The following EYS variants were observed in gnomAD, a reference collection of about 807,000 sequenced individuals.
EYS encodes the protein protein eyes shut homolog.
In EYS, 250 loss-of-function variants were observed where a neutral mutation model predicts 282.1. The observed-to-expected ratio is 0.89, with a 90% CI of 0.80 to 0.98. EYS has a LOEUF of 0.98. Ranked by LOEUF, EYS falls within the 50% of genes least tolerant of loss-of-function variation. EYS has a pLI of 0.00. For synonymous variants in EYS, 1,355 were observed against 1,282.9 expected (o/e 1.06, Z -1.20); for missense variants, 4,016 against 3,709.0 (o/e 1.08, Z -2.15).
intron 2 of EYS, among the ~76,000 whole-genome samples, chr6:65,595,309 G>A (rs1028886070): frequency 1.3e-5 from 2 of 151,938 alleles, no homozygotes; most frequent in Non-Finnish European, 2.9e-5. Flanking sequence ...TCACACACTG[G>A]GTCCTGTTGT....
intron 34 of EYS, among the ~76,000 whole-genome samples, chr6:63,985,071 A>G (rs374053019): frequency 7.9e-5 from 12 of 151,842 alleles, no homozygotes; most frequent in African/African-American, 2.9e-4. Flanking sequence ...GTCATTGCAG[A>G]TGTAATTTAT....
chr6:63,972,914 C>T (rs1242020787), intron 35 of EYS, among the ~76,000 whole-genome samples: 2 of 152,156 alleles, frequency 1.3e-5, no homozygotes, highest in Admixed American at 6.5e-5. Flanking sequence ...ATATGTGCCA[C>T]ATTTTCTTTA....
chr6:65,022,875 T>C (rs1056386422), intron 13 of EYS, among the ~76,000 whole-genome samples: 2 of 151,970 alleles, frequency 1.3e-5, no homozygotes, highest in Non-Finnish European at 2.9e-5. Context: ...AGATATGTTG[T>C]ATCAAGGTTT....
intron 22 of EYS, among the ~76,000 whole-genome samples, chr6:64,786,272 C>T (rs114542165): frequency 6.6e-6 from 1 of 151,306 alleles, no homozygotes; most frequent in South Asian, 2.1e-4. Flanking sequence ...GAAGAAGCTC[C>T]CCTGTACAGA....
intron 5 of EYS, among the ~76,000 whole-genome samples, chr6:65,446,359 A>G (rs115756809): frequency 6.6e-6 from 1 of 151,990 alleles, no homozygotes; most frequent in Non-Finnish European, 1.5e-5. Flanking sequence ...GTGTGTTTAA[A>G]CTATATTAAC....
At chr6:64,945,195 C>T (rs1583318270) in intron 15 of EYS, among the ~76,000 whole-genome samples, 1 of 150,176 alleles carries the variant, frequency 6.7e-6, no homozygotes, top group Middle Eastern at 3.5e-3. Flanking sequence ...GTGTGATATG[C>T]TGAATCTATA....
chr6:65,366,903 T>C (rs970941933), intron 8 of EYS, among the ~76,000 whole-genome samples: 1 of 151,668 alleles, frequency 6.6e-6, no homozygotes, highest in East Asian at 1.9e-4. Flanking sequence ...AATCTCTGCT[T>C]TGTTATCATA....
intron 24 of EYS, among the ~76,000 whole-genome samples, chr6:64,600,750 G>T (rs1287415997): frequency 6.6e-6 from 1 of 152,052 alleles, no homozygotes; most frequent in Non-Finnish European, 1.5e-5. Context: ...TGATGTACTT[G>T]ATGGTCAGTA....
chr6:65,542,473 A>ATGTGTGTG (rs35318949), intron 2 of EYS, among the ~76,000 whole-genome samples: 28 of 146,550 alleles, frequency 1.9e-4, no homozygotes, highest in African/African-American at 4.2e-4. Flanking sequence ...TAACAATAGA[A>ATGTGTGTG]TGTGTGTGTG....
intron 12 of EYS, among the ~76,000 whole-genome samples, chr6:65,142,597 C>T (rs1321931): frequency 0.12 from 18,225 of 150,932 alleles, 1,441 homozygotes; most frequent in African/African-American, 0.22. Context: ...GGTTAAGGGC[C>T]ACATAGAATC....
At chr6:64,965,239 G>A (rs543460730) in intron 14 of EYS, among the ~76,000 whole-genome samples, 7 of 151,876 alleles carry the variant, frequency 4.6e-5, no homozygotes, top group South Asian at 2.1e-4. Flanking sequence ...ATACTTTAGC[G>A]AACAGAATTG....
chr6:64,992,953 T>C (rs921618151), intron 14 of EYS, among the ~76,000 whole-genome samples: 6 of 151,998 alleles, frequency 3.9e-5, no homozygotes, highest in Non-Finnish European at 5.9e-5. Flanking sequence ...CTAAGCATCA[T>C]GCCCTTGAAG....
Position 63,777,988 on chromosome 6 carries a change from T to C in EYS, c.7898+18A>G, listed in dbSNP as rs1268904416. The stretch of plus-strand genomic sequence containing the variant: ...GCAAACAACCTGCTACTTTCATTCC[T>C]AATAACGTCATACTTACTAAACACT... On this transcript the variant is annotated intron_variant, in intron 40 of 42. Coordinates refer to ENST00000503581, the MANE Select transcript of EYS (RefSeq NM_001142800.2). 3 of 1,550,890 alleles carry C rather than the reference T, an allele frequency of 1.9e-6. No homozygotes were observed. Among genetic ancestry groups the C allele is most frequent in the Non-Finnish European group, 2.6e-6 (3 of 1,146,260 alleles).
intron 12 of EYS, among the ~76,000 whole-genome samples, chr6:65,239,628 C>A (rs914565424): frequency 1.3e-5 from 2 of 151,752 alleles, no homozygotes; most frequent in African/African-American, 4.8e-5. Flanking sequence ...ATTAAATGAA[C>A]AAATTTGAAA....
intron 12 of EYS, among the ~76,000 whole-genome samples, chr6:65,274,840 T>C (rs1235608898): frequency 6.6e-6 from 1 of 151,994 alleles, no homozygotes; most frequent in Non-Finnish European, 1.5e-5. Context: ...CCATAGGTCC[T>C]GTCAAGATAT....
chr6:64,782,032 A>G (rs1177850754), intron 22 of EYS, among the ~76,000 whole-genome samples: 1 of 152,204 alleles, frequency 6.6e-6, no homozygotes, highest in East Asian at 1.9e-4. Context: ...TTTCTTCACC[A>G]GTAAAACGAT....
chr6:65,425,006 G>C (rs1767606164), intron 5 of EYS, among the ~76,000 whole-genome samples: 1 of 151,962 alleles, frequency 6.6e-6, no homozygotes, highest in African/African-American at 2.4e-5. Context: ...CATTTATAAT[G>C]AATAAAAATT....
chr6:64,733,444 T>C (rs556130379), intron 22 of EYS: 29 of 187,670 alleles, frequency 1.5e-4, no homozygotes, highest in African/African-American at 6.0e-4. Flanking sequence ...ATGATCCACT[T>C]GGCCACCACA....
At chr6:64,505,659 G>C (rs545856653) in intron 26 of EYS, among the ~76,000 whole-genome samples, 1 of 152,052 alleles carries the variant, frequency 6.6e-6, no homozygotes, top group East Asian at 1.9e-4. Flanking sequence ...GTCATGTACA[G>C]GGAAATTGTC....
Sources: gnomAD v4.1 joint callset for allele counts (sites outside exome capture counted in the v4.1 genomes callset) on GRCh38, gnomAD v4.1.1 for gene constraint, MANE v1.5 for transcripts, NCBI Gene and HGNC (gene_info 2026-07-23, HGNC 2026-07-21) for gene names.